Variants in SEMA3E observed in about 807,000 individuals in gnomAD.
SEMA3E encodes semaphorin 3E, also known as semaphorin-3E.
A neutral mutation model predicts 93.6 loss-of-function variants in SEMA3E; 49 were observed. The ratio of observed to expected loss-of-function variants is 0.52; its 90% CI spans 0.42 to 0.66. The LOEUF is 0.66. SEMA3E is among the 30% of genes least tolerant of loss of function. The pLI is 0.00. For synonymous variants in SEMA3E, 363 were observed against 330.7 expected (o/e 1.10, Z -1.06); for missense variants, 906 against 964.8 (o/e 0.94, Z 0.81).
chr7:83,417,303 G>A (rs961293863), intron 5 of SEMA3E, among the ~76,000 whole-genome samples: 1 of 151,980 alleles, frequency 6.6e-6, no homozygotes, highest in African/African-American at 2.4e-5. Flanking sequence ...GGAATAGAAT[G>A]CAAGACCCAT....
At chr7:83,616,158 A>T (rs1323936401) in intron 1 of SEMA3E, among the ~76,000 whole-genome samples, 1 of 152,092 alleles carries the variant, frequency 6.6e-6, no homozygotes, top group Non-Finnish European at 1.5e-5. Context: ...ATTATGTGTG[A>T]GTCTATTCTC....
chr7:83,602,258 CT>C (rs2115985847), intron 1 of SEMA3E, among the ~76,000 whole-genome samples: 1 of 152,228 alleles, frequency 6.6e-6, no homozygotes, highest in Non-Finnish European at 1.5e-5. Flanking sequence ...TAAGACAAAG[CT>C]AGGAAATGTG....
At position 83,390,251 on chromosome 7, in the gene SEMA3E, G is replaced by A. The variant is rs1457842473; in HGVS notation, c.1667+2304C>T. Among the ~76,000 whole-genome samples, 5 of 26,718 alleles carry A rather than the reference G, an allele frequency of 1.9e-4. 2 individuals carry two copies. The highest frequency in any genetic ancestry group is 9.3e-4 in the Admixed American group (2 of 2,152). The allele number at this position is 26,718 out of a possible 152,430, so 17.5% of individuals were successfully genotyped here. Reference sequence around the variant, plus strand: ...CGCGTATATATGCGCGTATATATGCGCGTATATATGCGCGTATATATGTGT... The same window carrying A: ...CGCGTATATATGCGCGTATATATGCACGTATATATGCGCGTATATATGTGT... On this transcript the variant is annotated intron_variant, in intron 14 of 16. Transcript: ENST00000643230.
chr7:83,456,253 G>T (rs1220577185), intron 4 of SEMA3E, among the ~76,000 whole-genome samples: 1 of 152,146 alleles, frequency 6.6e-6, no homozygotes, highest in Non-Finnish European at 1.5e-5. Context: ...TATTGTCTGA[G>T]CATCTACATT....
chr7:83,400,568 A>G (rs1246628255), intron 10 of SEMA3E, among the ~76,000 whole-genome samples: 1 of 151,844 alleles, frequency 6.6e-6, no homozygotes, highest in Non-Finnish European at 1.5e-5. Flanking sequence ...GCAGGCCCCT[A>G]CATCTGTTAT....
At chr7:83,393,947 A>T (rs1562760912) in intron 13 of SEMA3E, among the ~76,000 whole-genome samples, 1 of 152,188 alleles carries the variant, frequency 6.6e-6, no homozygotes, top group Non-Finnish European at 1.5e-5. Flanking sequence ...CTTCCTTTCT[A>T]TAGAGATAGA....
At chr7:83,465,806 G>C (rs1017529152) in intron 4 of SEMA3E, among the ~76,000 whole-genome samples, 33 of 152,146 alleles carry the variant, frequency 2.2e-4, no homozygotes, top group Admixed American at 6.6e-4. Flanking sequence ...ATACTTAAAA[G>C]TAACGAGAGT....
chr7:83,639,115 A>G (rs1475753447), intron 1 of SEMA3E, among the ~76,000 whole-genome samples: 1 of 86,976 alleles, frequency 1.1e-5, no homozygotes, highest in Non-Finnish European at 2.2e-5. Flanking sequence ...CGTCTCAAAA[A>G]AAAAAAAAAA....
chr7:83,577,984 G>A (rs1026217011), intron 1 of SEMA3E, among the ~76,000 whole-genome samples: 5 of 151,590 alleles, frequency 3.3e-5, no homozygotes, highest in African/African-American at 1.2e-4. Flanking sequence ...TCATTTTGAG[G>A]AAACGTGTAA....
intron 1 of SEMA3E, among the ~76,000 whole-genome samples, chr7:83,538,100 T>C (rs1480362836): frequency 6.6e-6 from 1 of 152,208 alleles, no homozygotes; most frequent in Admixed American, 6.5e-5. Context: ...TATCCATTCA[T>C]CCGCTGATGG....
chr7:83,515,295 A>G (rs79249134), intron 1 of SEMA3E, among the ~76,000 whole-genome samples: 5 of 17,392 alleles, frequency 2.9e-4, no homozygotes, highest in African/African-American at 4.5e-4. Flanking sequence ...TTTCTTATGA[A>G]AAAAAAAAAA....
intron 4 of SEMA3E, among the ~76,000 whole-genome samples, chr7:83,449,902 T>C (rs1165548843): frequency 6.6e-6 from 1 of 152,194 alleles, no homozygotes; most frequent in African/African-American, 2.4e-5. Context: ...GAGTATTGAA[T>C]TGGATATTTT....
At chr7:83,593,043 C>T (rs761094572) in intron 1 of SEMA3E, among the ~76,000 whole-genome samples, 8 of 151,926 alleles carry the variant, frequency 5.3e-5, no homozygotes, top group Admixed American at 3.9e-4. Flanking sequence ...GCCTCAAACT[C>T]CTGGGCTTAA....
intron 10 of SEMA3E, 67 bp downstream of exon 10, chr7:83,402,565 C>G: frequency 7.0e-7 from 1 of 1,430,812 alleles, no homozygotes. Context: ...TCTTATGAAA[C>G]AGTGAACAAA....
chr7:83,546,137 T>G (rs1410503043), intron 1 of SEMA3E, among the ~76,000 whole-genome samples: 6 of 149,604 alleles, frequency 4.0e-5, no homozygotes, highest in African/African-American at 1.5e-4. Flanking sequence ...AGGCTTTTAT[T>G]TGGGAAAAAA....
At chr7:83,482,332 C>T (rs1487296283) in intron 2 of SEMA3E, among the ~76,000 whole-genome samples, 8 of 151,862 alleles carry the variant, frequency 5.3e-5, no homozygotes, top group South Asian at 2.1e-4. Flanking sequence ...TTTGGGAGGC[C>T]GAGGCGGGTG....
chr7:83,395,480 T>C (rs2722971), intron 12 of SEMA3E, among the ~76,000 whole-genome samples: 86,932 of 152,124 alleles, frequency 0.57, 28,543 homozygotes, highest in East Asian at 0.85. Context: ...AATATCAAGA[T>C]GTTCTGTGTT....
chr7:83,613,724 A>AT (rs1159715590), intron 1 of SEMA3E, among the ~76,000 whole-genome samples: 1 of 152,088 alleles, frequency 6.6e-6, no homozygotes, highest in Non-Finnish European at 1.5e-5. Context: ...CACTTTGGGG[A>AT]TGATACAAAC....
intron 1 of SEMA3E, among the ~76,000 whole-genome samples, chr7:83,505,742 A>T (rs781621831): frequency 6.6e-6 from 1 of 152,062 alleles, no homozygotes; most frequent in East Asian, 1.9e-4. Context: ...GTGGCCGGGC[A>T]CAGTGGCTCA....
Sources: allele counts gnomAD v4.1 joint callset (sites outside exome capture counted in the v4.1 genomes callset), GRCh38; gene constraint gnomAD v4.1.1; transcripts MANE v1.5; gene names NCBI Gene and HGNC (gene_info 2026-07-23, HGNC 2026-07-21).